The following USP35 variants were observed in gnomAD, a reference collection of about 807,000 sequenced individuals.
The protein encoded by USP35 is ubiquitin carboxyl-terminal hydrolase 35.
USP35 carries 69 observed loss-of-function variants against 83.8 expected under a neutral mutation model. The ratio of observed to expected loss-of-function variants is 0.82; its 90% CI spans 0.68 to 1.01. The LOEUF is 1.01. USP35 is among the 50% of genes least tolerant of loss of function. The pLI, the probability that USP35 is intolerant of heterozygous loss-of-function variation, is 0.00. For synonymous variants in USP35, 714 were observed against 589.5 expected, an observed-to-expected ratio of 1.21 and a Z score of -3.06; for missense variants, 1,503 against 1,362.5, an observed-to-expected ratio of 1.10 and a Z score of -1.62.
In USP35 at chr11:78,197,246, G is replaced by T. The variant is rs867510936; in HGVS notation, c.673+328G>T. Among the ~76,000 whole-genome samples the T allele has an allele frequency of 4.1e-3, 601 of 147,280 alleles. 6 individuals carry two copies. The highest frequency in any genetic ancestry group is 7.4e-3 in the Admixed American group (110 of 14,882). On this transcript the variant is annotated intron_variant, in intron 2 of 10. Coordinates refer to ENST00000529308, the MANE Select transcript of USP35 (RefSeq NM_020798.4). The stretch of plus-strand genomic sequence containing the variant: ...ATTTGGGGCGGGGGAGGTGGGGGGG[G>T]GGGTCATTATGGTCTTCGGGTCAGG...
chr11:78,205,917 C>T lies in USP35; in HGVS notation c.1273C>T (p.Leu425=). ...TGCCTGGACTTCGCAGAAGAGCGAG[C>T]TGGCGGGTTTCTATCCCCGGCTCAT... is the stretch of plus-strand genomic sequence containing the variant. ...QDAWTSQKSE[L]AGFYPRLMAK... The change falls in exon 7 of 11, where the codon CTG becomes TTG. Residue 425 remains leucine, a synonymous_variant. Transcript: ENST00000529308. The T allele has an allele frequency of 2.5e-6, 4 of 1,614,272 alleles. No homozygotes were observed. The Middle Eastern group carries it at 4.9e-4, about 200-fold the overall frequency.
At chr11:78,194,264 G>T (rs1863080805) in intron 1 of USP35, among the ~76,000 whole-genome samples, 1 of 152,172 alleles carries the variant, frequency 6.6e-6, no homozygotes, top group Non-Finnish European at 1.5e-5. Context: ...AAACAAATGG[G>T]CCCTTTGTAT....
At chr11:78,222,039 TACC>T in the USP35 span, 1 of 1,025,282 alleles carries the variant, frequency 9.8e-7, no homozygotes, top group Middle Eastern at 2.2e-4. Flanking sequence ...ACAGGCCAGC[TACC>T]ACATCACTCA....
chr11:78,209,819 C>T lies in USP35; in HGVS notation c.1964C>T (p.Thr655Ile), dbSNP rs777373545. ...KHCITEDTPP[T>I]SLYIEGLDSK... is the part of the protein sequence containing the mutation. ...TGCATCACAGAGGACACCCCCCCCA[C>T]CAGCCTGTACATCGAAGGCCTGGAC... Residue 655 changes from threonine (T) to isoleucine (I), a missense_variant, in exon 10 of 11, where the codon ACC becomes ATC. Coordinates refer to ENST00000529308, the MANE Select transcript of USP35 (RefSeq NM_020798.4). 6.2e-6 allele frequency: 10 copies of T among 1,613,608 alleles called. No individual in the cohort carries two copies. The South Asian group carries it at 8.8e-5, about 14-fold the overall frequency.
Position 78,196,824 on chromosome 11 carries a change from G to T in USP35, c.579G>T (p.Gln193His). Residue 193 changes from glutamine (Q) to histidine (H), a missense_variant, in exon 2 of 11, where the codon CAG becomes CAT. Coordinates refer to ENST00000529308, the MANE Select transcript of USP35 (RefSeq NM_020798.4). The surrounding 1 kb of genome is among the most constrained non-coding windows in gnomAD (Gnocchi z 4.8). ...CCGTGGAGTTCCTAGAGCAGGCCCA[G>T]CAGGTGAGCGGGCTCCTGGCGCAGC... is the stretch of plus-strand genomic sequence containing the variant. ...EGAVEFLEQAQQVSGLLAQLW... is the reference protein window; with the variant it reads ...EGAVEFLEQAHQVSGLLAQLW... The T allele has an allele frequency of 6.5e-7, 1 of 1,532,490 alleles. No homozygotes were observed. 94.9% of individuals were successfully genotyped at this position (1,532,490 alleles called of 1,614,324 possible).
At position 78,196,887 on chromosome 11, in the gene USP35, C is replaced by G. The variant is rs1191415828; in HGVS notation, c.642C>G (p.Leu214=). 2.0e-6 allele frequency: 3 copies of G among 1,472,884 alleles called. No homozygotes were observed. The highest frequency in any genetic ancestry group is 2.6e-5 in the South Asian group (2 of 75,828). The allele number at this position is 1,472,884 out of a possible 1,614,324, so 91.2% of individuals were successfully genotyped here. A position where few individuals can be genotyped will look rare whatever the true frequency, so the allele number is the denominator to read the frequency against. ...AGCCCGCCGCCATCCTGCCCTGCCT[C>G]AAAGAGCTGTTCGCAGTCATCTCCT... ...RAQPAAILPC[L]KELFAVISCA... is the part of the protein sequence containing the mutation. Residue 214 remains leucine (L), a synonymous_variant, in exon 2 of 11, where the codon CTC becomes CTG. Transcript: ENST00000529308. The surrounding 1 kb of genome is among the most constrained non-coding windows in gnomAD (Gnocchi z 4.8).
chr11:78,222,337 G>A, the USP35 span: 1 of 633,844 alleles, frequency 1.6e-6, no homozygotes, highest in African/African-American at 1.8e-5. Flanking sequence ...GCTCAGCGAG[G>A]TTGTATAATC....
In USP35 at chr11:78,210,483, T is replaced by A; in HGVS notation, c.2628T>A (p.Ala876=). 6.2e-7 allele frequency: 1 copy of A among 1,614,220 alleles called. No individual in the cohort carries two copies. The highest frequency in any genetic ancestry group is 8.5e-7 in the Non-Finnish European group (1 of 1,179,994). The change falls in exon 10 of 11, where the codon GCT becomes GCA. Residue 876 remains alanine, a synonymous_variant. Coordinates refer to ENST00000529308, the MANE Select transcript of USP35 (RefSeq NM_020798.4). ...YAREGAARPA[A]SLGTADRPEP... ...GTGAGGGCGCTGCCCGCCCTGCCGCTTCTCTGGGAACTGCCGATAGGCCAG... is the reference window on the plus strand; with the variant it reads ...GTGAGGGCGCTGCCCGCCCTGCCGCATCTCTGGGAACTGCCGATAGGCCAG...
chr11:78,220,455 G>A, the USP35 span: 3 of 1,557,310 alleles, frequency 1.9e-6, no homozygotes, highest in Non-Finnish European at 2.6e-6. Flanking sequence ...CTGTCACGAG[G>A]AGGAAAAAAC....
chr11:78,235,432 T>A, the USP35 span, among the ~76,000 whole-genome samples: 1 of 152,268 alleles, frequency 6.6e-6, no homozygotes, highest in East Asian at 1.9e-4. Context: ...GATTACAGGC[T>A]TGAGCCACTG....
At chr11:78,221,631 C>T in the USP35 span, 1 of 1,221,496 alleles carries the variant, frequency 8.2e-7, no homozygotes, top group Non-Finnish European at 1.2e-6. Flanking sequence ...GGGTGGGTCC[C>T]AGGGGACTTG....
chr11:78,207,450 TG>T, intron 7 of USP35, 79 bp from the exon 8 acceptor site: 1 of 1,435,058 alleles, frequency 7.0e-7, no homozygotes, highest in Non-Finnish European at 9.7e-7. Flanking sequence ...CTAGAGGCTC[TG>T]GGCTGCCTGT....
chr11:78,192,597 G>A (rs1000823288), intron 1 of USP35, among the ~76,000 whole-genome samples: 7 of 152,218 alleles, frequency 4.6e-5, no homozygotes, highest in Admixed American at 3.3e-4. Context: ...GGTGGGCAGG[G>A]CTTGCTTGCT....
chr11:78,192,660 G>C (rs112728879), intron 1 of USP35, among the ~76,000 whole-genome samples: 2 of 152,190 alleles, frequency 1.3e-5, no homozygotes, highest in African/African-American at 2.4e-5. Flanking sequence ...GGAGATCAGA[G>C]CTCTCATGGA....
At chr11:78,194,034 A>G (rs377096934) in intron 1 of USP35, among the ~76,000 whole-genome samples, 21 of 151,040 alleles carry the variant, frequency 1.4e-4, no homozygotes, top group African/African-American at 4.9e-4. Flanking sequence ...GCCCGGCCGC[A>G]TCTGAGCTTG....
intron 8 of USP35, among the ~76,000 whole-genome samples, chr11:78,207,893 G>C (rs1358929993): frequency 6.6e-6 from 1 of 152,234 alleles, no homozygotes; most frequent in Non-Finnish European, 1.5e-5. Context: ...TGTTGCCATA[G>C]TCCATTTTAT....
chr11:78,226,247 G>C, the USP35 span, among the ~76,000 whole-genome samples: 4 of 152,162 alleles, frequency 2.6e-5, no homozygotes, highest in Non-Finnish European at 5.9e-5. Flanking sequence ...TAACTTCTCT[G>C]GGGCTAGCTC....
In USP35 at chr11:78,200,163, C is replaced by T. The variant is rs563421356; in HGVS notation, c.967C>T (p.Arg323Trp). Residue 323 changes from arginine (R) to tryptophan (W), a missense_variant, in exon 5 of 11, where the codon CGG (arginine) becomes TGG (tryptophan). Transcript: ENST00000529308. ...VFSKLLYPIV[R>W]GAALSVLKYM... The stretch of plus-strand genomic sequence containing the variant: ...CTCTAAGCTGCTGTACCCCATCGTC[C>T]GGGGAGCTGCCTTGTCTGTGCTCAA... The T allele has an allele frequency of 4.0e-5, 65 of 1,614,204 alleles. No individual in the cohort carries two copies. The highest frequency in any genetic ancestry group is 3.2e-4 in the African/African-American group (24 of 75,044).
At chr11:78,194,686 G>A (rs1751350095) in intron 1 of USP35, among the ~76,000 whole-genome samples, 1 of 152,168 alleles carries the variant, frequency 6.6e-6, no homozygotes, top group African/African-American at 2.4e-5. Context: ...TGGAGGAGAA[G>A]GGCAGAAGGA....
Sources: allele counts gnomAD v4.1 joint callset (sites outside exome capture counted in the v4.1 genomes callset), GRCh38; gene constraint gnomAD v4.1.1; non-coding constraint Gnocchi (gnomAD v3.1); transcripts MANE v1.5; gene names NCBI Gene and HGNC (gene_info 2026-07-23, HGNC 2026-07-21).